KIF26B: variants seen among roughly 807,000 people sequenced by gnomAD.
KIF26B encodes kinesin family member 26B.
A neutral mutation model predicts 151.2 loss-of-function variants in KIF26B; 63 were observed. The observed-to-expected ratio is 0.42, with a 90% CI of 0.34 to 0.51. KIF26B has a LOEUF of 0.51. KIF26B is among the 20% of genes least tolerant of loss of function. The pLI, the probability that KIF26B is intolerant of heterozygous loss-of-function variation, is 0.07. For synonymous variants in KIF26B, 1,357 were observed against 1,262.1 expected (o/e 1.08, Z -1.59); for missense variants, 2,813 against 2,913.6 (o/e 0.97, Z 0.79).
intron 2 of KIF26B, among the ~76,000 whole-genome samples, chr1:245,220,482 C>T (rs1009620815): frequency 8.5e-5 from 13 of 152,090 alleles, no homozygotes; most frequent in Admixed American, 2.0e-4. Flanking sequence ...CCTCCCCTTC[C>T]GTTTCTCCTC....
chr1:245,181,861 G>A (rs777810514), intron 2 of KIF26B, among the ~76,000 whole-genome samples: 6 of 152,082 alleles, frequency 3.9e-5, no homozygotes, highest in Admixed American at 6.6e-5. Flanking sequence ...GCTGGCGACC[G>A]TGCTAATGCT....
In KIF26B at chr1:245,489,585, G is replaced by A. The variant is rs1001903651; in HGVS notation, c.1167-51182G>A. Among the ~76,000 whole-genome samples the A allele has an allele frequency of 3.3e-5, 5 of 152,098 alleles. No individual in the cohort carries two copies. In the East Asian group the frequency reaches 5.8e-4, roughly 18 times the overall value. The stretch of plus-strand genomic sequence containing the variant: ...TTTTCTTGAAATATTTAGTTTCAGT[G>A]TTAGCTAAGTTTGTGATTTTTTAAT... On this transcript the variant is annotated intron_variant, in intron 4 of 14. Coordinates refer to ENST00000407071, the MANE Select transcript of KIF26B (RefSeq NM_018012.4).
intron 5 of KIF26B, among the ~76,000 whole-genome samples, chr1:245,555,019 A>C (rs1328707090): frequency 6.6e-6 from 1 of 152,178 alleles, no homozygotes; most frequent in Non-Finnish European, 1.5e-5. Flanking sequence ...CTGCCCTTCC[A>C]GGCCGTGCTC....
chr1:245,658,663 A>G (rs2044100848), intron 10 of KIF26B, among the ~76,000 whole-genome samples: 1 of 152,104 alleles, frequency 6.6e-6, no homozygotes. Flanking sequence ...AAGTGCTGGG[A>G]TTACAGGTGG....
chr1:245,618,028 C>G (rs1420176101), intron 9 of KIF26B, among the ~76,000 whole-genome samples: 1 of 152,078 alleles, frequency 6.6e-6, no homozygotes, highest in Non-Finnish European at 1.5e-5. Context: ...ATGTTTTCAG[C>G]CTTTCCTCCC....
At chr1:245,261,921 C>T (rs1204561384) in intron 2 of KIF26B, among the ~76,000 whole-genome samples, 7 of 152,112 alleles carry the variant, frequency 4.6e-5, no homozygotes, top group Admixed American at 1.3e-4. Context: ...CATGCAGAAG[C>T]CCAAAATCTG....
chr1:245,540,838 C>T lies in KIF26B; in HGVS notation c.1238C>T (p.Pro413Leu). ...HRPSTSSAAE[P>L]PLFATSFSGI... ...CCTTCCACTTCTTCCGCTGCCGAAC[C>T]ACCGCTCTTTGCAACCAGCTTCAGT... is the stretch of plus-strand genomic sequence containing the variant. The change falls in exon 5 of 15, where the codon CCA (proline) becomes CTA (leucine). Residue 413 changes from proline (P) to leucine (L), a missense_variant. Transcript: ENST00000407071. The surrounding 1 kb of genome is among the most constrained non-coding windows in gnomAD (Gnocchi z 4.6). The T allele has an allele frequency of 6.2e-7, 1 of 1,613,946 alleles. No individual in the cohort carries two copies. The highest frequency in any genetic ancestry group is 1.1e-5 in the South Asian group (1 of 91,080).
At chr1:245,362,428 C>T (rs1352403318) in intron 2 of KIF26B, among the ~76,000 whole-genome samples, 4 of 150,498 alleles carry the variant, frequency 2.7e-5, no homozygotes, top group African/African-American at 9.8e-5. Flanking sequence ...GTCCCAGCTA[C>T]TCAGGAGGCT....
intron 2 of KIF26B, among the ~76,000 whole-genome samples, chr1:245,203,922 CA>C (rs1669349451): frequency 6.6e-6 from 1 of 152,160 alleles, no homozygotes; most frequent in African/African-American, 2.4e-5. Flanking sequence ...GAAAGAGCTT[CA>C]GGATAAAGTT....
intron 2 of KIF26B, among the ~76,000 whole-genome samples, chr1:245,205,476 A>ATAC (rs1227478576): frequency 6.6e-6 from 1 of 152,172 alleles, no homozygotes; most frequent in Non-Finnish European, 1.5e-5. Flanking sequence ...AATAATAATA[A>ATAC]TATGCTCAAC....
intron 2 of KIF26B, among the ~76,000 whole-genome samples, chr1:245,305,000 G>A (rs1010264900): frequency 5.3e-5 from 8 of 152,200 alleles, no homozygotes; most frequent in African/African-American, 1.4e-4. Flanking sequence ...AGCACCAGAA[G>A]TGTGGGTATA....
intron 2 of KIF26B, among the ~76,000 whole-genome samples, chr1:245,342,815 C>T (rs1037413752): frequency 6.6e-6 from 1 of 151,988 alleles, no homozygotes; most frequent in African/African-American, 2.4e-5. Context: ...TGCCAGGCGC[C>T]GTGGCTCATG....
At chr1:245,264,218 A>C (rs949661954) in intron 2 of KIF26B, among the ~76,000 whole-genome samples, 1 of 152,204 alleles carries the variant, frequency 6.6e-6, no homozygotes, top group Non-Finnish European at 1.5e-5. Flanking sequence ...GCTCTTTTTA[A>C]AAAGACATTT....
At chr1:245,171,849 G>A (rs1558332907) in intron 2 of KIF26B, among the ~76,000 whole-genome samples, 3 of 152,250 alleles carry the variant, frequency 2.0e-5, no homozygotes, top group Non-Finnish European at 2.9e-5. Context: ...ACCATTTTCC[G>A]TGTTGGTTTC....
intron 2 of KIF26B, among the ~76,000 whole-genome samples, chr1:245,208,694 T>C (rs897639594): frequency 2.6e-5 from 4 of 152,150 alleles, no homozygotes; most frequent in Non-Finnish European, 4.4e-5. Flanking sequence ...AGCTGATTTT[T>C]AGTGTGCGCA....
At chr1:245,545,259 A>G (rs1461923709) in intron 5 of KIF26B, among the ~76,000 whole-genome samples, 1 of 151,834 alleles carries the variant, frequency 6.6e-6, no homozygotes. Context: ...GCGCCACCAC[A>G]CCCAGTTAAT....
At chr1:245,323,335 T>C (rs1420016129) in intron 2 of KIF26B, among the ~76,000 whole-genome samples, 2 of 152,158 alleles carry the variant, frequency 1.3e-5, no homozygotes, top group Non-Finnish European at 2.9e-5. Flanking sequence ...ATAAATGTGG[T>C]TGAGAGAGGT....
At chr1:245,438,195 C>T (rs982338712) in intron 4 of KIF26B, among the ~76,000 whole-genome samples, 3 of 152,180 alleles carry the variant, frequency 2.0e-5, no homozygotes, top group Admixed American at 6.5e-5. Context: ...CTGTACACCA[C>T]AGAGCTCCCA....
intron 2 of KIF26B, among the ~76,000 whole-genome samples, chr1:245,179,041 T>C (rs1452429279): frequency 6.6e-6 from 1 of 152,094 alleles, no homozygotes; most frequent in Non-Finnish European, 1.5e-5. Context: ...ATTTGACAGA[T>C]ATTCTAAGCA....
Sources: gnomAD v4.1 joint callset for allele counts (sites outside exome capture counted in the v4.1 genomes callset) on GRCh38, gnomAD v4.1.1 for gene constraint, Gnocchi (gnomAD v3.1) non-coding constraint, MANE v1.5 for transcripts, NCBI Gene and HGNC (gene_info 2026-07-23, HGNC 2026-07-21) for gene names.